The following AMOTL1 variants were observed in gnomAD, a reference collection of about 807,000 sequenced individuals.
AMOTL1 encodes the protein angiomotin-like protein 1.
A neutral mutation model predicts 102.9 loss-of-function variants in AMOTL1; 45 were observed. The ratio of observed to expected loss-of-function variants is 0.44; its 90% CI spans 0.34 to 0.56. AMOTL1 has a LOEUF of 0.56. AMOTL1 is among the 20% of genes least tolerant of loss of function. AMOTL1 has a pLI of 0.01. For missense variants in AMOTL1, 1,114 were observed against 1,225.6 expected, an observed-to-expected ratio of 0.91 and a Z score of 1.36; for synonymous variants, 481 against 484.7, an observed-to-expected ratio of 0.99 and a Z score of 0.10.
intron 6 of AMOTL1, among the ~76,000 whole-genome samples, chr11:94,835,254 A>G (rs768472238): frequency 2.4e-4 from 37 of 151,980 alleles, no homozygotes; most frequent in Non-Finnish European, 4.3e-4. Flanking sequence ...CCTCTAGCCA[A>G]CTCCTGTTTG....
At chr11:94,775,487 T>G (rs1565347338) in intron 1 of AMOTL1, among the ~76,000 whole-genome samples, 1 of 148,244 alleles carries the variant, frequency 6.7e-6, no homozygotes, top group Admixed American at 6.7e-5. Context: ...ACTCTGTGAC[T>G]TTTTTTTTTT....
At chr11:94,868,014 G>T (rs138811595) in intron 11 of AMOTL1, among the ~76,000 whole-genome samples, 1 of 152,224 alleles carries the variant, frequency 6.6e-6, no homozygotes, top group Non-Finnish European at 1.5e-5. Context: ...TGTGGGAAGC[G>T]CAGGTGAAGG....
chr11:94,718,410 T>G (rs1448348241), intron 1 of AMOTL1, among the ~76,000 whole-genome samples: 2 of 152,056 alleles, frequency 1.3e-5, no homozygotes, highest in East Asian at 1.9e-4. Flanking sequence ...TATTTTGTAA[T>G]TGCTTTCTGT....
intron 3 of AMOTL1, among the ~76,000 whole-genome samples, chr11:94,803,314 A>G (rs3847556): frequency 0.27 from 40,932 of 151,944 alleles, 6,080 homozygotes; most frequent in East Asian, 0.46. Flanking sequence ...GTAGGTGATT[A>G]TAAGGCCCTT....
At chr11:94,844,537 G>T (rs1336542589) in intron 6 of AMOTL1, among the ~76,000 whole-genome samples, 2 of 152,378 alleles carry the variant, frequency 1.3e-5, no homozygotes, top group East Asian at 3.9e-4. Flanking sequence ...AAGTCCAAGA[G>T]CATGGTGCTG....
At chr11:94,722,838 A>G (rs1950195231) in intron 1 of AMOTL1, among the ~76,000 whole-genome samples, 1 of 152,164 alleles carries the variant, frequency 6.6e-6, no homozygotes, top group Admixed American at 6.5e-5. Flanking sequence ...GGAAGAATAA[A>G]CTTTATGAGT....
intron 3 of AMOTL1, among the ~76,000 whole-genome samples, chr11:94,750,245 C>G (rs1950635878): frequency 6.6e-6 from 1 of 152,190 alleles, no homozygotes. Context: ...TCTGGCTGCT[C>G]TAGTGTCTTG....
Position 94,876,512 on chromosome 11 carries a change from G to A in AMOTL1, c.*5717G>A, listed in dbSNP as rs1352404790. On this transcript the variant is annotated 3_prime_UTR_variant, in exon 13 of 13. Transcript: ENST00000433060. ...GAGGGGTGATGTACATGGCCATACA[G>A]CCAAATGGGTCTGTGTACCAGTGTG... is the stretch of plus-strand genomic sequence containing the variant. 1.3e-5 allele frequency: 2 copies of A among 152,732 alleles called. No homozygotes were observed. Among genetic ancestry groups the A allele is most frequent in the South Asian group, 2.1e-4 (1 of 4,824 alleles). 9.5% of individuals were successfully genotyped at this position (152,732 alleles called of 1,614,324 possible).
At chr11:94,778,017 A>C (rs1951050211) in intron 1 of AMOTL1, among the ~76,000 whole-genome samples, 1 of 152,238 alleles carries the variant, frequency 6.6e-6, no homozygotes, top group Admixed American at 6.5e-5. Flanking sequence ...AAAGGAATGT[A>C]ATGTATTAAG....
chr11:94,782,148 C>T (rs1432381191), intron 1 of AMOTL1, among the ~76,000 whole-genome samples: 1 of 152,142 alleles, frequency 6.6e-6, no homozygotes. Context: ...ATGCTTTTCT[C>T]ATGGAATCCA....
upstream of AMOTL1, among the ~76,000 whole-genome samples, chr11:94,766,418 G>A (rs12421507): frequency 0.097 from 14,748 of 152,178 alleles, 1,346 homozygotes; most frequent in East Asian, 0.28. Flanking sequence ...AACTTGCTCA[G>A]CGTCACACAG....
chr11:94,863,321 G>A (rs190312536), intron 9 of AMOTL1, among the ~76,000 whole-genome samples: 2 of 151,624 alleles, frequency 1.3e-5, no homozygotes, highest in African/African-American at 2.4e-5. Context: ...GGCGGGGCGC[G>A]GTGGCTCACG....
intron 1 of AMOTL1, among the ~76,000 whole-genome samples, chr11:94,778,369 C>CT (rs1355535499): frequency 6.6e-6 from 1 of 152,064 alleles, no homozygotes; most frequent in African/African-American, 2.4e-5. Flanking sequence ...CTTTGGATAT[C>CT]TTTTTTTGAT....
Position 94,795,151 on chromosome 11 carries a change from G to C in AMOTL1, c.190G>C (p.Glu64Gln). The change falls in exon 2 of 13, where the codon GAA becomes CAA. Residue 64 changes from glutamate to glutamine, a missense_variant. Physicochemically the swap from Glu to Gln is conservative, Grantham distance 29. Transcript: ENST00000433060. ...GGTGGAGGCAACCAGTAGCATCAGG[G>C]AAAAAGTTGGTAAGTCCTTTTACCG... ...LTVEATSSIR[E>Q]KVVEDPLCNF... 6.2e-7 allele frequency: 1 copy of C among 1,613,338 alleles called. No individual in the cohort carries two copies. The highest frequency in any genetic ancestry group is 1.3e-5 in the African/African-American group (1 of 74,966).
At chr11:94,723,477 C>A (rs561791505) in intron 1 of AMOTL1, among the ~76,000 whole-genome samples, 1 of 152,096 alleles carries the variant, frequency 6.6e-6, no homozygotes, top group Non-Finnish European at 1.5e-5. Context: ...GTTGCCACAA[C>A]TCCTTAGAGA....
Position 94,818,976 on chromosome 11 carries a change from G to A in AMOTL1, c.1122-2554G>A, listed in dbSNP as rs117933021. On this transcript the variant is annotated intron_variant, in intron 3 of 12. Transcript: ENST00000433060. ...ATAATATGGCCTATATCAATTTTCCGGGATTGTTCTTCATCTTTTTTGTTT... is the reference window on the plus strand; with the variant it reads ...ATAATATGGCCTATATCAATTTTCCAGGATTGTTCTTCATCTTTTTTGTTT... Among the ~76,000 whole-genome samples the A allele has an allele frequency of 8.1e-3, 1,214 of 149,684 alleles. 30 individuals are homozygous for A. In the East Asian group the frequency reaches 0.1, roughly 12 times the overall value.
At chr11:94,717,651 A>G (rs1002452932) in intron 1 of AMOTL1, among the ~76,000 whole-genome samples, 1 of 152,018 alleles carries the variant, frequency 6.6e-6, no homozygotes, top group African/African-American at 2.4e-5. Flanking sequence ...TAACTTTTTA[A>G]GCATGGCTCC....
intron 1 of AMOTL1, among the ~76,000 whole-genome samples, chr11:94,725,513 T>C (rs1251542127): frequency 6.6e-6 from 1 of 152,112 alleles, no homozygotes; most frequent in Admixed American, 6.6e-5. Flanking sequence ...TAGGGTCAAA[T>C]AAAAATAAGA....
At chr11:94,863,507 G>A (rs766859511) in intron 9 of AMOTL1, among the ~76,000 whole-genome samples, 3 of 152,106 alleles carry the variant, frequency 2.0e-5, no homozygotes, top group East Asian at 1.9e-4. Flanking sequence ...CAAGAGAATC[G>A]CTTGAACTCA....
Sources: gnomAD v4.1 joint callset for allele counts (sites outside exome capture counted in the v4.1 genomes callset) on GRCh38, gnomAD v4.1.1 for gene constraint, MANE v1.5 for transcripts, NCBI Gene and HGNC (gene_info 2026-07-23, HGNC 2026-07-21) for gene names.